The following HSPA4L variants were observed in gnomAD, a reference collection of about 807,000 sequenced individuals.
HSPA4L encodes the protein heat shock protein family A (Hsp70) member 4 like, also known as heat shock 70 kDa protein 4L.
In HSPA4L, 48 loss-of-function variants were observed where a neutral mutation model predicts 100.3. The ratio of observed to expected loss-of-function variants is 0.48; its 90% CI spans 0.38 to 0.61. The LOEUF is 0.61. HSPA4L is among the 20% of genes least tolerant of loss of function. The pLI is 0.00. For missense variants in HSPA4L, 886 were observed against 988.6 expected (o/e 0.90, Z 1.39); for synonymous variants, 319 against 328.2 (o/e 0.97, Z 0.30).
chr4:127,819,737 A>G (rs1024570167), intron 13 of HSPA4L, among the ~76,000 whole-genome samples: 1 of 152,112 alleles, frequency 6.6e-6, no homozygotes, highest in Admixed American at 6.5e-5. Flanking sequence ...GTATGTACTT[A>G]TTTGTGACTG....
chr4:127,792,076 GC>G (rs1732892859), intron 1 of HSPA4L, among the ~76,000 whole-genome samples: 1 of 152,184 alleles, frequency 6.6e-6, no homozygotes, highest in Admixed American at 6.5e-5. Flanking sequence ...GTTTTGTTCA[GC>G]CCTTGGAAAG....
intron 1 of HSPA4L, 84 bp downstream of exon 1, chr4:127,782,741 C>T: frequency 9.7e-7 from 1 of 1,036,190 alleles, no homozygotes; most frequent in Non-Finnish European, 1.4e-6. Context: ...CTGCTCGCTT[C>T]CTCGGATTTT....
chr4:127,801,902 A>G lies in HSPA4L; in HGVS notation c.647A>G (p.Asn216Ser). Residue 216 changes from asparagine (N) to serine (S), a missense_variant, in exon 6 of 19, where the codon AAC becomes AGC. Coordinates refer to ENST00000296464, the MANE Select transcript of HSPA4L (RefSeq NM_014278.4). ...SAYQVLVCAF[N>S]KGKLKVLATT... ...TATCAGGTCTTGGTTTGTGCTTTTA[A>G]CAAAGGAAAACTTAAAGTAAGTAAA... is the stretch of plus-strand genomic sequence containing the variant. The G allele has an allele frequency of 6.3e-7, 1 of 1,599,428 alleles. No individual in the cohort carries two copies.
chr4:127,798,590 C>A lies in HSPA4L; in HGVS notation c.310C>A (p.Arg104=), dbSNP rs766704348. The A allele has an allele frequency of 6.2e-7, 1 of 1,612,866 alleles. No homozygotes were observed. The highest frequency in any genetic ancestry group is 8.5e-7 in the Non-Finnish European group (1 of 1,179,298). ...ATATCCCAACTTTTGGTGTTAGGTG[C>A]GGTACTTAGAGGAAGAGAGACCTTT... ...MPNGSAGVKV[R]YLEEERPFAI... The change falls in exon 4 of 19, where the codon CGG becomes AGG. Residue 104 remains arginine, a synonymous_variant. Coordinates refer to ENST00000296464, the MANE Select transcript of HSPA4L (RefSeq NM_014278.4).
At chr4:127,805,291 C>A (rs1350856876) in intron 9 of HSPA4L, 67 bp downstream of exon 9, 2 of 1,222,632 alleles carry the variant, frequency 1.6e-6, no homozygotes, top group South Asian at 1.6e-5. Flanking sequence ...TCCAAAGGGG[C>A]CTTTTAATGT....
rs1732589880 is a variant in HSPA4L at position 127,782,507 on chromosome 4, T to C, written c.-44T>C. 6.6e-7 allele frequency: 1 copy of C among 1,512,698 alleles called. No homozygotes were observed. Among genetic ancestry groups the C allele is most frequent in the African/African-American group, 1.4e-5 (1 of 72,788 alleles). The allele number at this position is 1,512,698 out of a possible 1,614,324, so 93.7% of individuals were successfully genotyped here. ...AGCCCAGAAGAGGACACGGTTCCCG[T>C]ACCGAAGGGTTCAGTACCAGCAGCC... On this transcript the variant is annotated 5_prime_UTR_variant, in exon 1 of 19. Transcript: ENST00000296464.
At chr4:127,831,089 A>G (rs1331558438) in intron 18 of HSPA4L, among the ~76,000 whole-genome samples, 1 of 152,188 alleles carries the variant, frequency 6.6e-6, no homozygotes, top group Non-Finnish European at 1.5e-5. Flanking sequence ...TGAAACCTCT[A>G]AGTCTTCATT....
rs1734140058 is a variant in HSPA4L, at chr4:127,833,584, A to G, written c.*710A>G. ...AATTTTTGATCTTGTCCTGAAGACTAGCTGCTGCTAAAACAATGCTAGCCT... is the reference window on the plus strand; with the variant it reads ...AATTTTTGATCTTGTCCTGAAGACTGGCTGCTGCTAAAACAATGCTAGCCT... On this transcript the variant is annotated 3_prime_UTR_variant, in exon 19 of 19. Coordinates refer to ENST00000296464, the MANE Select transcript of HSPA4L (RefSeq NM_014278.4). 1 of 152,198 alleles carries G rather than the reference A, an allele frequency of 6.6e-6. No homozygotes were observed. Among genetic ancestry groups the G allele is most frequent in the Non-Finnish European group, 1.5e-5 (1 of 68,018 alleles). 9.4% of individuals were successfully genotyped at this position (152,198 alleles called of 1,614,324 possible).
intron 16 of HSPA4L, 39 bp from the exon 17 acceptor site, chr4:127,827,266 C>T: frequency 6.3e-7 from 1 of 1,581,386 alleles, no homozygotes; most frequent in Non-Finnish European, 8.6e-7. Flanking sequence ...TGTTAAAACT[C>T]AAAAATTTTT....
chr4:127,785,308 T>C (rs1378434228), intron 1 of HSPA4L, among the ~76,000 whole-genome samples: 1 of 152,230 alleles, frequency 6.6e-6, no homozygotes, highest in Non-Finnish European at 1.5e-5. Flanking sequence ...CATAATAATA[T>C]GTGCTCATTA....
chr4:127,832,738 T>G lies in HSPA4L; in HGVS notation c.2384T>G (p.Val795Gly), dbSNP rs766361485. 1 of 1,613,166 alleles carries G rather than the reference T, an allele frequency of 6.2e-7. No individual in the cohort carries two copies. The highest frequency in any genetic ancestry group is 1.1e-5 in the South Asian group (1 of 90,816). Residue 795 changes from valine (V) to glycine (G), a missense_variant, in exon 19 of 19, where the codon GTT becomes GGT. Physicochemically the swap from Val to Gly is moderately radical, Grantham distance 109 (BLOSUM62 -3). Coordinates refer to ENST00000296464, the MANE Select transcript of HSPA4L (RefSeq NM_014278.4). Reference protein sequence around the residue: ...IIYKPKPKAEVPEDKPKANSE... With the variant: ...IIYKPKPKAEGPEDKPKANSE... ...TACAAGCCCAAACCAAAAGCAGAAG[T>G]TCCTGAAGACAAACCAAAAGCTAAT...
At chr4:127,800,525 A>G (rs1343335929) in intron 4 of HSPA4L, among the ~76,000 whole-genome samples, 1 of 152,038 alleles carries the variant, frequency 6.6e-6, no homozygotes, top group Non-Finnish European at 1.5e-5. Flanking sequence ...ATGTATGTAT[A>G]TTTTTTCAAT....
Position 127,782,470 on chromosome 4 carries a change from C to T in HSPA4L, c.-81C>T. On this transcript the variant is annotated 5_prime_UTR_variant, in exon 1 of 19. Transcript: ENST00000296464. ...GTTTGCTTCTGGTAGGAGTCGCAAT[C>T]CCAGCAGCAATAGCCCAGAAGAGGA... 1.7e-6 allele frequency: 2 copies of T among 1,173,230 alleles called. No individual in the cohort carries two copies. The highest frequency in any genetic ancestry group is 2.5e-5 in the South Asian group (2 of 78,960). The allele number at this position is 1,173,230 out of a possible 1,614,324, so 72.7% of individuals were successfully genotyped here.
chr4:127,828,049 C>G lies in HSPA4L; in HGVS notation c.2166+625C>G, dbSNP rs1443128428. On this transcript the variant is annotated intron_variant, in intron 17 of 18. Coordinates refer to ENST00000296464, the MANE Select transcript of HSPA4L (RefSeq NM_014278.4). Reference sequence around the variant, plus strand: ...AGTAGTTATCAGACTTTTTTTAAGACAAACAATATTTTAGGCTTTGTAGTT... The same window carrying G: ...AGTAGTTATCAGACTTTTTTTAAGAGAAACAATATTTTAGGCTTTGTAGTT... 3.3e-5 allele frequency among the ~76,000 whole-genome samples: 5 copies of G among 151,986 alleles called. No homozygotes were observed. The East Asian group carries it at 9.6e-4, about 29-fold the overall frequency.
chr4:127,786,176 CT>C (rs11313712), intron 1 of HSPA4L, among the ~76,000 whole-genome samples: 108,240 of 152,004 alleles, frequency 0.71, 39,000 homozygotes, highest in Middle Eastern at 0.82. Context: ...TACTAACTAT[CT>C]TTTTTTTCCG....
chr4:127,804,608 A>AACAC (rs56013070), intron 8 of HSPA4L, among the ~76,000 whole-genome samples: 2,571 of 144,344 alleles, frequency 0.018, 48 homozygotes, highest in African/African-American at 0.041. Flanking sequence ...TCTGTCTCAA[A>AACAC]ACACACACAC....
intron 10 of HSPA4L, 151 bp downstream of exon 10, chr4:127,805,944 C>T (rs1249088865): frequency 2.5e-5 from 12 of 487,656 alleles, no homozygotes; most frequent in Non-Finnish European, 3.6e-5. Context: ...GATATATCAC[C>T]TATAAATCAT....
At chr4:127,798,777 GA>G (rs1733094463) in intron 4 of HSPA4L, 68 bp downstream of exon 4, 1 of 1,460,712 alleles carries the variant, frequency 6.8e-7, no homozygotes, top group African/African-American at 1.4e-5. Flanking sequence ...AATATTGAAA[GA>G]TTTTTCTTCC....
At chr4:127,825,856 G>A (rs999594164) in intron 16 of HSPA4L, among the ~76,000 whole-genome samples, 3 of 151,270 alleles carry the variant, frequency 2.0e-5, no homozygotes, top group Non-Finnish European at 4.4e-5. Context: ...AACCCAGGAG[G>A]TGGAGGTTGC....
Sources: allele counts gnomAD v4.1 joint callset (sites outside exome capture counted in the v4.1 genomes callset), GRCh38; gene constraint gnomAD v4.1.1; transcripts MANE v1.5; gene names NCBI Gene and HGNC (gene_info 2026-07-23, HGNC 2026-07-21).